Variants in CLIP4 observed in about 807,000 individuals in gnomAD.
The protein encoded by CLIP4 is CAP-Gly domain containing linker protein family member 4.
Under a neutral mutation model 73.1 loss-of-function variants are expected in CLIP4, and 47 were observed. The ratio of observed to expected loss-of-function variants is 0.64; its 90% CI spans 0.51 to 0.82. The LOEUF (loss-of-function observed/expected upper bound fraction) is 0.82, where lower values mean the gene tolerates loss of function less well. Among genes scored for constraint, CLIP4 ranks in the 40% least tolerant of loss-of-function variants. CLIP4 has a pLI of 0.00. For missense variants in CLIP4, 874 were observed against 852.9 expected (o/e 1.02, Z -0.31); for synonymous variants, 306 against 295.4 (o/e 1.04, Z -0.37).
intron 1 of CLIP4, among the ~76,000 whole-genome samples, chr2:29,118,656 T>A (rs1213001949): frequency 6.6e-6 from 1 of 151,854 alleles, no homozygotes; most frequent in Non-Finnish European, 1.5e-5. Context: ...GTAGCTGGGA[T>A]TACAGGTGCC....
intron 13 of CLIP4, among the ~76,000 whole-genome samples, chr2:29,164,185 G>C (rs1156740203): frequency 6.6e-6 from 1 of 152,186 alleles, no homozygotes; most frequent in Non-Finnish European, 1.5e-5. Context: ...AACCCTATGA[G>C]TATGTGTAGG....
At chr2:29,149,795 A>G (rs573243795) in intron 8 of CLIP4, among the ~76,000 whole-genome samples, 3 of 151,826 alleles carry the variant, frequency 2.0e-5, no homozygotes, top group African/African-American at 7.2e-5. Flanking sequence ...AAATCTTTTT[A>G]AGCCATAGAA....
In CLIP4 at chr2:29,131,373, A is replaced by G. The variant is rs770227864; in HGVS notation, c.249A>G (p.Gln83=). The part of the protein sequence containing the change: ...ILRQWVPQVQ[Q]NIDIIGNEIL... ...GACAGTGGGTTCCTCAGGTCCAACAAAACATTGACATTATTGGAAATGAGG... is the reference window on the plus strand; with the variant it reads ...GACAGTGGGTTCCTCAGGTCCAACAGAACATTGACATTATTGGAAATGAGG... The change falls in exon 3 of 16, where the codon CAA becomes CAG. Residue 83 remains glutamine, a synonymous_variant. Transcript: ENST00000320081. The G allele has an allele frequency of 8.2e-5, 132 of 1,601,496 alleles. 2 individuals are homozygous for G. The South Asian group carries it at 1.5e-3, about 18-fold the overall frequency.
intron 15 of CLIP4, among the ~76,000 whole-genome samples, chr2:29,175,934 T>C (rs1420145449): frequency 1.2e-4 from 18 of 152,066 alleles, no homozygotes. Context: ...GCTAATTTTT[T>C]GTATTTTTAG....
intron 2 of CLIP4, among the ~76,000 whole-genome samples, chr2:29,125,021 C>G (rs1287523466): frequency 1.3e-5 from 2 of 152,152 alleles, no homozygotes; most frequent in Non-Finnish European, 2.9e-5. Context: ...TGTAAGTATT[C>G]TTGAACTTTG....
intron 2 of CLIP4, among the ~76,000 whole-genome samples, chr2:29,124,456 G>C (rs143673641): frequency 2.0e-3 from 298 of 151,962 alleles, no homozygotes; most frequent in Non-Finnish European, 3.5e-3. Flanking sequence ...GTATGTTCTT[G>C]TGCTTGGGTT....
At chr2:29,116,540 G>A (rs1251269692) in intron 1 of CLIP4, among the ~76,000 whole-genome samples, 1 of 152,210 alleles carries the variant, frequency 6.6e-6, no homozygotes, top group Non-Finnish European at 1.5e-5. Flanking sequence ...TGTGAATCTT[G>A]TGCACAATTT....
At chr2:29,157,472 C>G (rs942746041) in intron 11 of CLIP4, 125 bp downstream of exon 11, 56 of 1,470,526 alleles carry the variant, frequency 3.8e-5, no homozygotes, top group Non-Finnish European at 4.9e-5. Flanking sequence ...ACTACTTTTA[C>G]TCTTCCCCAC....
At chr2:29,140,144 A>T in intron 6 of CLIP4, among the ~76,000 whole-genome samples, 1 of 152,006 alleles carries the variant, frequency 6.6e-6, no homozygotes, top group East Asian at 1.9e-4. Flanking sequence ...TTAGTTACAT[A>T]TGTATACATG....
At chr2:29,101,229 G>T (rs1668033995) in intron 1 of CLIP4, among the ~76,000 whole-genome samples, 1 of 149,088 alleles carries the variant, frequency 6.7e-6, no homozygotes, top group African/African-American at 2.5e-5. Context: ...GGCAGAGGTT[G>T]CAGTGAGCCG....
chr2:29,160,602 A>ATG (rs1667223803), intron 12 of CLIP4, 135 bp downstream of exon 12: 1 of 940,468 alleles, frequency 1.1e-6, no homozygotes, highest in African/African-American at 1.7e-5. Flanking sequence ...AGTACAGAAA[A>ATG]TGTGAAATGA....
chr2:29,181,777 T>C lies in CLIP4; in HGVS notation c.2002T>C (p.Ser668Pro). The C allele has an allele frequency of 6.2e-7, 1 of 1,614,086 alleles. No individual in the cohort carries two copies. Among genetic ancestry groups the C allele is most frequent in the Non-Finnish European group, 8.5e-7 (1 of 1,180,004 alleles). The change falls in exon 16 of 16, where the codon TCA (serine) becomes CCA (proline). Residue 668 changes from serine (S) to proline (P), a missense_variant. By Grantham distance (74) the Ser-to-Pro change is moderately conservative. Coordinates refer to ENST00000320081, the MANE Select transcript of CLIP4 (RefSeq NM_024692.6). ...LRSAKGKNDG[S>P]VGDKRYFTCK... is the part of the protein sequence containing the mutation. Reference sequence around the variant, plus strand: ...AAGCGCCAAGGGAAAAAATGATGGGTCAGTGGGTGACAAGCGCTATTTCAC... The same window carrying C: ...AAGCGCCAAGGGAAAAAATGATGGGCCAGTGGGTGACAAGCGCTATTTCAC...
intron 11 of CLIP4, among the ~76,000 whole-genome samples, chr2:29,157,603 C>G (rs774586617): frequency 6.6e-6 from 1 of 152,140 alleles, no homozygotes; most frequent in Non-Finnish European, 1.5e-5. Flanking sequence ...AGCTTCTTCA[C>G]AGGCCTTTGT....
Position 29,156,437 on chromosome 2 carries a change from A to C in CLIP4, c.1249A>C (p.Lys417Gln). ...PGEELKTVTE[K>Q]DVALLGSVSS... is the part of the protein sequence containing the mutation. ...TGAAGAACTTAAAACTGTGACAGAG[A>C]AAGATGGTAATATACCTTGTAACCT... The change falls in exon 10 of 16, where the codon AAA (lysine) becomes CAA (glutamine). Residue 417 changes from lysine (K) to glutamine (Q), a missense_variant. Physicochemically the swap from Lys to Gln is moderately conservative, Grantham distance 53 (BLOSUM62 1). Coordinates refer to ENST00000320081, the MANE Select transcript of CLIP4 (RefSeq NM_024692.6). 6.4e-7 allele frequency: 1 copy of C among 1,569,868 alleles called. No homozygotes were observed. The highest frequency in any genetic ancestry group is 8.6e-7 in the Non-Finnish European group (1 of 1,164,516).
At chr2:29,128,957 G>C (rs1421413994) in intron 2 of CLIP4, among the ~76,000 whole-genome samples, 1 of 152,102 alleles carries the variant, frequency 6.6e-6, no homozygotes, top group Non-Finnish European at 1.5e-5. Flanking sequence ...GGTATCTTTA[G>C]TTTCTCTGTC....
At position 29,167,529 on chromosome 2, in the gene CLIP4, A is replaced by G. The variant is rs755087829; in HGVS notation, c.1712A>G (p.His571Arg). The stretch of plus-strand genomic sequence containing the variant: ...GAAATTTCTTCAAATAAACAGAACC[A>G]TTCTTATCCTGGTAAGACTACACAG... ...LSEISSNKQN[H>R]SYPGFRRSFS... is the part of the protein sequence containing the mutation. Residue 571 changes from histidine to arginine, a missense_variant, in exon 14 of 16, where the codon CAT (histidine) becomes CGT (arginine). Physicochemically the swap from His to Arg is conservative, Grantham distance 29. Coordinates refer to ENST00000320081, the MANE Select transcript of CLIP4 (RefSeq NM_024692.6). 12 of 1,605,826 alleles carry G rather than the reference A, an allele frequency of 7.5e-6. No homozygotes were observed. Among genetic ancestry groups the G allele is most frequent in the African/African-American group, 5.4e-5 (4 of 74,566 alleles).
intron 8 of CLIP4, among the ~76,000 whole-genome samples, chr2:29,147,625 A>G (rs1666260256): frequency 6.6e-6 from 1 of 152,096 alleles, no homozygotes; most frequent in Non-Finnish European, 1.5e-5. Flanking sequence ...ACAGAATGAT[A>G]TTTCTGTGTA....
At chr2:29,153,336 G>A (rs530604827) in intron 9 of CLIP4, among the ~76,000 whole-genome samples, 35 of 152,000 alleles carry the variant, frequency 2.3e-4, no homozygotes, top group African/African-American at 3.9e-4. Flanking sequence ...CATCTTTTAC[G>A]TACATTTTCT....
At chr2:29,155,443 T>G (rs1666862502) in intron 9 of CLIP4, among the ~76,000 whole-genome samples, 1 of 152,094 alleles carries the variant, frequency 6.6e-6, no homozygotes, top group East Asian at 1.9e-4. Flanking sequence ...CAAGCAGAAC[T>G]GTGGAAATCT....
Sources: allele counts gnomAD v4.1 joint callset (sites outside exome capture counted in the v4.1 genomes callset), GRCh38; gene constraint gnomAD v4.1.1; transcripts MANE v1.5; gene names NCBI Gene and HGNC (gene_info 2026-07-23, HGNC 2026-07-21).